The following RBFOX1 variants were observed in gnomAD, a reference collection of about 807,000 sequenced individuals.
RBFOX1 encodes the protein RNA binding protein fox-1 homolog 1.
In RBFOX1, 8 loss-of-function variants were observed where a neutral mutation model predicts 57.7. That is an observed-to-expected ratio of 0.14 (90% CI 0.08 to 0.25). The LOEUF (loss-of-function observed/expected upper bound fraction) is 0.25, where lower values mean the gene tolerates loss of function less well. Among genes scored for constraint, RBFOX1 ranks in the 10% least tolerant of loss-of-function variants. RBFOX1 has a pLI of 1.00. For synonymous variants in RBFOX1, 326 were observed against 222.4 expected (o/e 1.47, Z -4.15); for missense variants, 611 against 548.5 (o/e 1.11, Z -1.14).
chr16:5,651,239 G>C (rs892614015), intron 3 of RBFOX1, among the ~76,000 whole-genome samples: 5 of 151,558 alleles, frequency 3.3e-5, no homozygotes, highest in Non-Finnish European at 7.4e-5. Context: ...TTTTAGTAGA[G>C]ACAGGGTTTC....
intron 1 of RBFOX1, among the ~76,000 whole-genome samples, chr16:6,102,392 C>T (rs989662569): frequency 6.6e-6 from 1 of 152,150 alleles, no homozygotes; most frequent in Non-Finnish European, 1.5e-5. Context: ...TTCATATGAT[C>T]AGATTTAAGT....
chr16:6,506,458 G>C (rs891089762), intron 2 of RBFOX1, among the ~76,000 whole-genome samples: 4 of 151,916 alleles, frequency 2.6e-5, no homozygotes, highest in African/African-American at 9.7e-5. Flanking sequence ...AAGGCAGTGA[G>C]AAAGAAGGCT....
intron 5 of RBFOX1, chr16:7,519,858 G>C (rs1485782355): frequency 1.4e-5 from 6 of 434,826 alleles, no homozygotes; most frequent in Admixed American, 1.3e-4. Context: ...CATTCATTTG[G>C]AGGCTAGTTT....
rs537683213 is a variant in RBFOX1, at chr16:7,264,946, A to G, written c.27+212848A>G. 5.2e-4 allele frequency among the ~76,000 whole-genome samples: 79 copies of G among 152,338 alleles called. No homozygotes were observed. In the Middle Eastern group the frequency reaches 0.02, roughly 39 times the overall value. On this transcript the variant is annotated intron_variant, in intron 4 of 15. Coordinates refer to ENST00000550418, the MANE Select transcript of RBFOX1 (RefSeq NM_018723.4). The stretch of plus-strand genomic sequence containing the variant: ...TCAGGCCAAGAGTCCAACACTTTCC[A>G]TCTTCCATGACTCAATGCCACCAAG...
chr16:6,843,158 A>C (rs987376313), intron 3 of RBFOX1, among the ~76,000 whole-genome samples: 2 of 152,110 alleles, frequency 1.3e-5, no homozygotes, highest in Admixed American at 6.5e-5. Context: ...TAAGCATATG[A>C]TTCTCTGAGC....
intron 4 of RBFOX1, among the ~76,000 whole-genome samples, chr16:7,121,802 A>C (rs1043407280): frequency 1.3e-5 from 2 of 152,016 alleles, no homozygotes; most frequent in Non-Finnish European, 2.9e-5. Flanking sequence ...TATAGAAGTA[A>C]AGATAGTGCA....
At chr16:7,031,610 G>GA (rs1555790929) in intron 3 of RBFOX1, among the ~76,000 whole-genome samples, 3 of 141,026 alleles carry the variant, frequency 2.1e-5, no homozygotes, top group South Asian at 4.4e-4. Flanking sequence ...AAAAAAAAAA[G>GA]AAAGAAAAGA....
At chr16:6,344,407 C>CTTTTTTTTTTTTTTTTTTTTTTTTTTTG (rs60637926) in intron 2 of RBFOX1, among the ~76,000 whole-genome samples, 1 of 109,846 alleles carries the variant, frequency 9.1e-6, no homozygotes, top group African/African-American at 4.4e-5. Flanking sequence ...TCTTTTTTTT[C>CTTTTTTTTTTTTTTTTTTTTTTTTTTTG]TTTTTTTTTT....
intron 3 of RBFOX1, among the ~76,000 whole-genome samples, chr16:6,828,798 T>A (rs1484157698): frequency 1.3e-5 from 2 of 152,118 alleles, no homozygotes; most frequent in Admixed American, 1.3e-4. Flanking sequence ...CTACGTTTGG[T>A]GTAAAAATGG....
At chr16:5,835,215 C>G (rs902702437) in intron 3 of RBFOX1, among the ~76,000 whole-genome samples, 1 of 152,262 alleles carries the variant, frequency 6.6e-6, no homozygotes, top group Admixed American at 6.5e-5. Context: ...GTGAGGACAT[C>G]TGAAGTGAGC....
intron 3 of RBFOX1, among the ~76,000 whole-genome samples, chr16:5,850,595 C>T (rs1156352218): frequency 6.6e-6 from 1 of 152,128 alleles, no homozygotes; most frequent in Admixed American, 6.5e-5. Context: ...ATGTTTACTC[C>T]CAGAACTATT....
At chr16:7,396,668 G>A (rs1313568862) in intron 4 of RBFOX1, among the ~76,000 whole-genome samples, 2 of 152,222 alleles carry the variant, frequency 1.3e-5, no homozygotes, top group African/African-American at 2.4e-5. Flanking sequence ...GGCTGAGAGT[G>A]GTGACTTACA....
rs1555461282 is a variant in RBFOX1, at chr16:6,780,398, T to TTTATATATA, written c.-16+125750_-16+125751insATATATATT. The stretch of plus-strand genomic sequence containing the variant: ...ATATATTTATACATATTATATATAT[T>TTTATATATA]TTTATATATATTTATATATATTTAT... On this transcript the variant is annotated intron_variant, in intron 3 of 15. Transcript: ENST00000550418. 9.6e-3 allele frequency among the ~76,000 whole-genome samples: 767 copies of TTTATATATA among 79,970 alleles called. 84 individuals are homozygous for TTTATATATA. Among genetic ancestry groups the TTTATATATA allele is most frequent in the African/African-American group, 0.045 (730 of 16,104 alleles). The allele number at this position is 79,970 out of a possible 152,430, so 52.5% of individuals were successfully genotyped here.
intron 3 of RBFOX1, among the ~76,000 whole-genome samples, chr16:5,819,046 C>A (rs569145058): frequency 6.6e-6 from 1 of 152,302 alleles, no homozygotes; most frequent in Non-Finnish European, 1.5e-5. Context: ...TTCTCTCCAT[C>A]CACAGGTCTG....
chr16:5,621,833 C>T (rs1373710663), intron 3 of RBFOX1, among the ~76,000 whole-genome samples: 1 of 152,136 alleles, frequency 6.6e-6, no homozygotes, highest in African/African-American at 2.4e-5. Flanking sequence ...TATCCAGGTA[C>T]ATATTTTTGC....
chr16:5,798,783 A>G (rs955718784), intron 3 of RBFOX1, among the ~76,000 whole-genome samples: 6 of 152,162 alleles, frequency 3.9e-5, no homozygotes, highest in African/African-American at 1.4e-4. Context: ...AAAATTATGA[A>G]CCAGGGGTCT....
chr16:7,245,530 A>T (rs934866950), intron 4 of RBFOX1, among the ~76,000 whole-genome samples: 17 of 152,228 alleles, frequency 1.1e-4, no homozygotes, highest in African/African-American at 4.1e-4. Context: ...TATGATTTGC[A>T]AAACGTATTT....
At chr16:6,335,023 C>T (rs1457912849) in intron 2 of RBFOX1, among the ~76,000 whole-genome samples, 6 of 152,194 alleles carry the variant, frequency 3.9e-5, no homozygotes, top group Admixed American at 2.0e-4. Flanking sequence ...TTGGGAATAC[C>T]TATTATGCCT....
rs1449307014 is a variant in RBFOX1 at position 7,009,157 on chromosome 16, C to A, written c.-15-42900C>A. 6.2e-5 allele frequency among the ~76,000 whole-genome samples: 5 copies of A among 80,446 alleles called. No homozygotes were observed. In the South Asian group the frequency reaches 2.9e-3, roughly 46 times the overall value. 52.8% of individuals were successfully genotyped at this position (80,446 alleles called of 152,430 possible). On this transcript the variant is annotated intron_variant, in intron 3 of 15. Coordinates refer to ENST00000550418, the MANE Select transcript of RBFOX1 (RefSeq NM_018723.4). The stretch of plus-strand genomic sequence containing the variant: ...CCATCCCTCCCTCCCTCACTTCCTC[C>A]CTCCCTTCCTTCCTCTCTTGCTCTT...
Sources: gnomAD v4.1 joint callset for allele counts (sites outside exome capture counted in the v4.1 genomes callset) on GRCh38, gnomAD v4.1.1 for gene constraint, MANE v1.5 for transcripts, NCBI Gene and HGNC (gene_info 2026-07-23, HGNC 2026-07-21) for gene names.